SCML2: variants seen among roughly 807,000 people sequenced by gnomAD.
The protein encoded by SCML2 is sex comb on midleg-like protein 2.
A neutral mutation model predicts 48.4 loss-of-function variants in SCML2; 6 were observed. The observed-to-expected ratio is 0.12, with a 90% CI of 0.07 to 0.24. The LOEUF is 0.24. SCML2 is among the 10% of genes least tolerant of loss of function. The probability of loss-of-function intolerance (pLI) is 1.00; values close to 1 mark genes in which losing one functional copy is unlikely to be tolerated. For synonymous variants in SCML2, 181 were observed against 189.5 expected (o/e 0.95, Z 0.37); for missense variants, 377 against 528.2 (o/e 0.71, Z 2.81).
rs185843767 is a variant in SCML2, at chrX:18,323,976, G to A, written c.280C>T (p.Arg94Trp). The A allele has an allele frequency of 4.1e-5, 50 of 1,208,442 alleles. No homozygotes were observed. The highest frequency in any genetic ancestry group is 1.5e-4 in the Admixed American group (7 of 45,621). Residue 94 changes from arginine (R) to tryptophan (W), a missense_variant, in exon 5 of 15, where the codon CGG becomes TGG. Physicochemically the swap from Arg to Trp is moderately radical, Grantham distance 101 (BLOSUM62 -3). Coordinates refer to ENST00000251900, the MANE Select transcript of SCML2 (RefSeq NM_006089.3). Reference protein sequence around the residue: ...TVIGITGARLRLRLDGSDNRN... With the variant: ...TVIGITGARLWLRLDGSDNRN... ...TTGTCACTACCATCCAGTCGTAACCGTAACCTGGCCCCAGTAATTCCAATA... is the reference window on the plus strand; with the variant it reads ...TTGTCACTACCATCCAGTCGTAACCATAACCTGGCCCCAGTAATTCCAATA...
intron 11 of SCML2, among the ~76,000 whole-genome samples, chrX:18,251,849 A>G (rs766485000): frequency 1.8e-5 from 2 of 112,547 alleles, no homozygotes; most frequent in Non-Finnish European, 3.8e-5. Flanking sequence ...CATTCCTAAT[A>G]GCCAAAAAGT....
chrX:18,317,559 G>A (rs986042569), intron 6 of SCML2, among the ~76,000 whole-genome samples: 1 of 111,860 alleles, frequency 8.9e-6, no homozygotes, highest in Admixed American at 9.5e-5. Flanking sequence ...AAGGCCGGGC[G>A]CGGTGGCTCA....
At chrX:18,353,134 G>GA (rs149576101) in intron 1 of SCML2, among the ~76,000 whole-genome samples, 1,524 of 55,932 alleles carry the variant, frequency 0.027, 11 homozygotes, top group South Asian at 0.057. Context: ...CCATTAAATA[G>GA]AAAAAAAAAA....
intron 5 of SCML2, among the ~76,000 whole-genome samples, chrX:18,322,177 C>A (rs1223380714): frequency 8.9e-6 from 1 of 112,144 alleles, no homozygotes; most frequent in East Asian, 2.8e-4. Context: ...TTAAACTATT[C>A]AAAAGTACCT....
chrX:18,260,358 G>A (rs1927019384), intron 8 of SCML2, 67 bp from the exon 9 acceptor site: 5 of 856,959 alleles, frequency 5.8e-6, no homozygotes, highest in Non-Finnish European at 7.9e-6. Flanking sequence ...AGATAAGAAA[G>A]TCAGAAATTA....
chrX:18,266,747 T>A (rs1429300472), intron 7 of SCML2, among the ~76,000 whole-genome samples: 2 of 112,118 alleles, frequency 1.8e-5, no homozygotes, highest in African/African-American at 6.5e-5. Context: ...TCAAAGACTA[T>A]GTACATGTAA....
At chrX:18,279,575 C>T (rs1397787351) in intron 7 of SCML2, among the ~76,000 whole-genome samples, 2 of 112,143 alleles carry the variant, frequency 1.8e-5, no homozygotes, top group Non-Finnish European at 3.8e-5. Flanking sequence ...CAAGGAGGCT[C>T]ATTAAGATTC....
chrX:18,263,217 A>G (rs778625752), intron 8 of SCML2, among the ~76,000 whole-genome samples: 10 of 110,637 alleles, frequency 9.0e-5, no homozygotes, highest in Non-Finnish European at 1.9e-4. Flanking sequence ...TAAAGTTAAT[A>G]TTGTACCACT....
intron 7 of SCML2, among the ~76,000 whole-genome samples, chrX:18,287,143 A>G (rs770422739): frequency 8.9e-6 from 1 of 112,078 alleles, no homozygotes; most frequent in East Asian, 2.8e-4. Context: ...ATTAAAAATT[A>G]CATGTTTAAC....
chrX:18,294,724 G>A (rs957358257), intron 7 of SCML2, among the ~76,000 whole-genome samples: 2 of 110,710 alleles, frequency 1.8e-5, no homozygotes, highest in Non-Finnish European at 3.8e-5. Flanking sequence ...AAGATCCCCA[G>A]CACTCTACCA....
chrX:18,312,855 G>A lies in SCML2; in HGVS notation c.486+7477C>T, dbSNP rs188811689. Among the ~76,000 whole-genome samples the A allele has an allele frequency of 1.0e-3, 115 of 111,075 alleles. 3 individuals are homozygous for A. The East Asian group carries it at 0.028, about 27-fold the overall frequency. Reference sequence around the variant, plus strand: ...AGGTCTGGGGTAGAAATACAAATTTGAAAATCATTTGCATATAAACTGTAT... The same window carrying A: ...AGGTCTGGGGTAGAAATACAAATTTAAAAATCATTTGCATATAAACTGTAT... On this transcript the variant is annotated intron_variant, in intron 6 of 14. Coordinates refer to ENST00000251900, the MANE Select transcript of SCML2 (RefSeq NM_006089.3).
intron 1 of SCML2, among the ~76,000 whole-genome samples, chrX:18,346,097 T>C (rs1331067521): frequency 9.0e-6 from 1 of 110,874 alleles, no homozygotes; most frequent in African/African-American, 3.3e-5. Context: ...ATCATTGTTG[T>C]TCTCTGTTCT....
At chrX:18,331,150 C>T (rs1181255447) in intron 2 of SCML2, among the ~76,000 whole-genome samples, 1 of 105,499 alleles carries the variant, frequency 9.5e-6, no homozygotes, top group Non-Finnish European at 1.9e-5. Flanking sequence ...ATCCCAGCTA[C>T]TCGGGCAGCT....
intron 1 of SCML2, among the ~76,000 whole-genome samples, chrX:18,340,395 T>C (rs746333136): frequency 5.4e-5 from 6 of 110,801 alleles, no homozygotes; most frequent in African/African-American, 2.0e-4. Context: ...CGCAACAGAG[T>C]GAGACCCTGT....
intron 7 of SCML2, among the ~76,000 whole-genome samples, chrX:18,283,859 T>C (rs1214110982): frequency 1.8e-5 from 2 of 112,473 alleles, no homozygotes; most frequent in Admixed American, 9.4e-5. Context: ...AGCCATACTG[T>C]GTAAGGCAAT....
chrX:18,347,947 G>A (rs1388873171), intron 1 of SCML2, among the ~76,000 whole-genome samples: 1 of 110,744 alleles, frequency 9.0e-6, no homozygotes, highest in East Asian at 2.8e-4. Flanking sequence ...ACAAACCTAA[G>A]AAGGCTTAAC....
chrX:18,314,903 A>G (rs1488822192), intron 6 of SCML2, among the ~76,000 whole-genome samples: 1 of 110,172 alleles, frequency 9.1e-6, no homozygotes, highest in Non-Finnish European at 1.9e-5. Flanking sequence ...AGACTGGCCA[A>G]CATGGCGAAA....
rs773323837 is a variant in SCML2, at chrX:18,308,363, G to T, written c.487-3148C>A. 4.7e-5 allele frequency among the ~76,000 whole-genome samples: 4 copies of T among 85,925 alleles called. No individual in the cohort carries two copies. The South Asian group carries it at 2.8e-3, about 60-fold the overall frequency. The allele number at this position is 85,925 out of a possible 115,157, so 74.6% of individuals were successfully genotyped here. ...AGGGAGGGAGGAAAGGACAGGGAGGGAGGGAGGGAGGGAGGGAAGGACAAC... is the reference window on the plus strand; with the variant it reads ...AGGGAGGGAGGAAAGGACAGGGAGGTAGGGAGGGAGGGAGGGAAGGACAAC... On this transcript the variant is annotated intron_variant, in intron 6 of 14. Coordinates refer to ENST00000251900, the MANE Select transcript of SCML2 (RefSeq NM_006089.3).
chrX:18,275,720 T>C (rs1170902467), intron 7 of SCML2, among the ~76,000 whole-genome samples: 1 of 112,506 alleles, frequency 8.9e-6, no homozygotes, highest in African/African-American at 3.2e-5. Flanking sequence ...TATGTTCTCA[T>C]AGAAACAATT....
Sources: gnomAD v4.1 joint callset for allele counts (sites outside exome capture counted in the v4.1 genomes callset) on GRCh38, gnomAD v4.1.1 for gene constraint, MANE v1.5 for transcripts, NCBI Gene and HGNC (gene_info 2026-07-23, HGNC 2026-07-21) for gene names.